ZC3H14: variants seen among roughly 807,000 people sequenced by gnomAD.
ZC3H14 encodes zinc finger CCCH-type containing 14, also known as zinc finger CCCH domain-containing protein 14.
ZC3H14 carries 31 observed loss-of-function variants against 92.4 expected under a neutral mutation model. That is an observed-to-expected ratio of 0.34 (90% CI 0.25 to 0.45). ZC3H14 has a LOEUF of 0.45. Ranked by LOEUF, ZC3H14 falls within the 20% of genes least tolerant of loss-of-function variation. The pLI is 1.00. For synonymous variants in ZC3H14, 321 were observed against 300.9 expected, an observed-to-expected ratio of 1.07 and a Z score of -0.69; for missense variants, 781 against 897.3, an observed-to-expected ratio of 0.87 and a Z score of 1.66.
chr14:88,567,790 G>A (rs1258542744), intron 2 of ZC3H14: 2 of 522,866 alleles, frequency 3.8e-6, no homozygotes, highest in African/African-American at 1.9e-5. Flanking sequence ...GCATGCTCAA[G>A]TTTGACCCTA....
intron 2 of ZC3H14, 78 bp downstream of exon 2, chr14:88,563,771 C>T: frequency 7.2e-7 from 1 of 1,384,800 alleles, no homozygotes; most frequent in Non-Finnish European, 1.0e-6. Flanking sequence ...GCGTATTTCT[C>T]ACCGTACTTT....
chr14:88,596,658 G>T (rs2083862100), intron 9 of ZC3H14, 76 bp from the exon 10 acceptor site: 1 of 1,250,304 alleles, frequency 8.0e-7, no homozygotes, highest in Non-Finnish European at 1.2e-6. Flanking sequence ...GAACCCAGAA[G>T]GATTGATTTT....
intron 4 of ZC3H14, among the ~76,000 whole-genome samples, chr14:88,571,700 G>T (rs774110401): frequency 1.3e-5 from 2 of 152,168 alleles, no homozygotes; most frequent in Non-Finnish European, 2.9e-5. Flanking sequence ...GGTGGCTCAC[G>T]CCTGTAATCC....
At chr14:88,607,823 A>AAGTG (rs1411257080) in intron 13 of ZC3H14, among the ~76,000 whole-genome samples, 8 of 110,658 alleles carry the variant, frequency 7.2e-5, no homozygotes, top group African/African-American at 1.4e-4. Context: ...CTCAGCCTGC[A>AAGTG]AGTACCATCC....
Position 88,577,994 on chromosome 14 carries a change from A to G in ZC3H14, c.1133A>G (p.Lys378Arg), listed in dbSNP as rs778564417. The G allele has an allele frequency of 1.1e-5, 17 of 1,614,054 alleles. No homozygotes were observed. The East Asian group carries it at 3.8e-4, about 36-fold the overall frequency. The change falls in exon 9 of 17, where the codon AAA becomes AGA. Residue 378 changes from lysine to arginine, a missense_variant. Lys to Arg is a conservative substitution (Grantham distance 26). Around this residue, in one of 3 missense-constraint regions of ZC3H14, gnomAD observed 454 missense variants for 438.5 expected, o/e 1.04. Transcript: ENST00000251038. Reference protein sequence around the residue: ...KTTNYSTVPQKQTLPVAPRTR... With the variant: ...KTTNYSTVPQRQTLPVAPRTR... ...TGCTTTTATGTGAAAGTTCCACAGAAACAGACACTTCCAGTTGCTCCCAGA... is the reference window on the plus strand; with the variant it reads ...TGCTTTTATGTGAAAGTTCCACAGAGACAGACACTTCCAGTTGCTCCCAGA...
rs114739216 is a variant in ZC3H14 at position 88,584,906 on chromosome 14, T to C, written c.1279+6766T>C. ...CATGTTACAACTGTGGCTGCAGTTA[T>C]TCACCATTTCTGGATAAATGAATTT... On this transcript the variant is annotated intron_variant, in intron 9 of 16. Coordinates refer to ENST00000251038, the MANE Select transcript of ZC3H14 (RefSeq NM_024824.5). Among the ~76,000 whole-genome samples, 369 of 152,182 alleles carry C rather than the reference T, an allele frequency of 2.4e-3. 1 individual carries two copies. The highest frequency in any genetic ancestry group is 8.6e-3 in the African/African-American group (357 of 41,494).
chr14:88,569,699 G>T (rs1017262932), intron 3 of ZC3H14, among the ~76,000 whole-genome samples: 2 of 152,206 alleles, frequency 1.3e-5, no homozygotes, highest in Non-Finnish European at 2.9e-5. Flanking sequence ...GGCACTGAGT[G>T]GGGAGATGAG....
chr14:88,563,318 C>T, intron 1 of ZC3H14, 149 bp downstream of exon 1: 2 of 1,514,666 alleles, frequency 1.3e-6, no homozygotes, highest in Non-Finnish European at 8.8e-7. Context: ...TCGTCCAGGC[C>T]GCCTCGGCCC....
At position 88,599,160 on chromosome 14, in the gene ZC3H14, C is replaced by CT. The variant is rs1185690976; in HGVS notation, c.1354+2358dup. On this transcript the variant is annotated intron_variant, in intron 10 of 16. Coordinates refer to ENST00000251038, the MANE Select transcript of ZC3H14 (RefSeq NM_024824.5). ...CTTCTTGGACACATCTAATACACCT[C>CT]TTTTTTGCCTGCCATTTCTTCCATT... Among the ~76,000 whole-genome samples the CT allele has an allele frequency of 2.6e-5, 4 of 152,156 alleles. No individual in the cohort carries two copies. The East Asian group carries it at 7.7e-4, about 29-fold the overall frequency.
rs1229449265 is a variant in ZC3H14, at chr14:88,619,043, A to G, written c.*7292A>G. On this transcript the variant is annotated 3_prime_UTR_variant, in exon 17 of 17. Transcript: ENST00000251038. ...ATATTTCCCCAATTGTCATCTCCCAATTCCTTTAAAAACGTCTAATGGCTT... is the reference window on the plus strand; with the variant it reads ...ATATTTCCCCAATTGTCATCTCCCAGTTCCTTTAAAAACGTCTAATGGCTT... 27 of 356,814 alleles carry G rather than the reference A, an allele frequency of 7.6e-5. 1 individual carries two copies. In the South Asian group the frequency reaches 1.1e-3, roughly 15 times the overall value. 22.1% of individuals were successfully genotyped at this position (356,814 alleles called of 1,614,324 possible). A position where few individuals can be genotyped will look rare whatever the true frequency, so the allele number is the denominator to read the frequency against.
chr14:88,571,214 A>G lies in ZC3H14; in HGVS notation c.235+90A>G, dbSNP rs182018567. 2.7e-5 allele frequency: 32 copies of G among 1,193,378 alleles called. No individual in the cohort carries two copies. In the Admixed American group the frequency reaches 5.9e-4, roughly 22 times the overall value. 73.9% of individuals were successfully genotyped at this position (1,193,378 alleles called of 1,614,324 possible). ...AGTCATAGTGCTTTGGGAAAAACCCATCAATTTCAAAACGGTTCATTTGAA... is the reference window on the plus strand; with the variant it reads ...AGTCATAGTGCTTTGGGAAAAACCCGTCAATTTCAAAACGGTTCATTTGAA... On this transcript the variant is annotated intron_variant, in intron 4 of 16. Transcript: ENST00000251038.
At chr14:88,575,714 T>A in intron 7 of ZC3H14, 126 bp from the exon 8 acceptor site, 1 of 739,636 alleles carries the variant, frequency 1.4e-6, no homozygotes, top group Admixed American at 2.7e-5. Context: ...TAGTTGGCAT[T>A]TTCTAAAAAC....
rs774451260 is a variant in ZC3H14 at position 88,617,489 on chromosome 14, C to T, written c.*5738C>T. The T allele has an allele frequency of 5.9e-4, 90 of 152,362 alleles. 1 individual carries two copies. Among genetic ancestry groups the T allele is most frequent in the Non-Finnish European group, 9.7e-4 (66 of 68,184 alleles). 9.4% of individuals were successfully genotyped at this position (152,362 alleles called of 1,614,324 possible). Reference sequence around the variant, plus strand: ...TTTTCAAATTAAAAGTGCTACTTGGCTGGGTCCAGCAGCACATACCAGTAA... The same window carrying T: ...TTTTCAAATTAAAAGTGCTACTTGGTTGGGTCCAGCAGCACATACCAGTAA... On this transcript the variant is annotated 3_prime_UTR_variant, in exon 17 of 17. Transcript: ENST00000251038.
At chr14:88,591,035 A>C (rs944352292) in intron 9 of ZC3H14, 1 of 152,314 alleles carries the variant, frequency 6.6e-6, no homozygotes, top group African/African-American at 2.4e-5. Flanking sequence ...GATCTCCATC[A>C]TATTTTTGAC....
rs1290306113 is a variant in ZC3H14 at position 88,614,554 on chromosome 14, A to G, written c.*2803A>G. The G allele has an allele frequency of 6.6e-6, 1 of 152,234 alleles. No homozygotes were observed. The highest frequency in any genetic ancestry group is 2.4e-5 in the African/African-American group (1 of 41,464). The allele number at this position is 152,234 out of a possible 1,614,324, so 9.4% of individuals were successfully genotyped here. A position where few individuals can be genotyped will look rare whatever the true frequency, so the allele number is the denominator to read the frequency against. On this transcript the variant is annotated 3_prime_UTR_variant, in exon 17 of 17. Transcript: ENST00000251038. ...AGCGATCTATTATGCTATAAAGATA[A>G]TTAACACATTAAAAACTCATAGGGT...
chr14:88,615,691 G>T lies in ZC3H14; in HGVS notation c.*3940G>T. 4 of 810,574 alleles carry T rather than the reference G, an allele frequency of 4.9e-6. No homozygotes were observed. The highest frequency in any genetic ancestry group is 3.5e-5 in the South Asian group (2 of 56,348). The allele number at this position is 810,574 out of a possible 1,614,324, so 50.2% of individuals were successfully genotyped here. A position where few individuals can be genotyped will look rare whatever the true frequency, so the allele number is the denominator to read the frequency against. ...CAGATCAGTCTTTCACTATTTTGAT[G>T]ATTCTGGGCATTTCTCCCTGTTACA... is the stretch of plus-strand genomic sequence containing the variant. On this transcript the variant is annotated 3_prime_UTR_variant, in exon 17 of 17. Transcript: ENST00000251038.
At chr14:88,610,150 G>C (rs573829613) in intron 15 of ZC3H14, among the ~76,000 whole-genome samples, 1 of 152,270 alleles carries the variant, frequency 6.6e-6, no homozygotes, top group African/African-American at 2.4e-5. Flanking sequence ...AGTAGGTACT[G>C]CTTAAAACCA....
chr14:88,563,843 A>G (rs924855216), intron 2 of ZC3H14, 150 bp downstream of exon 2: 15 of 791,666 alleles, frequency 1.9e-5, no homozygotes, highest in Non-Finnish European at 3.1e-5. Context: ...TTACTTCTTT[A>G]TCATCTTTTT....
intron 9 of ZC3H14, among the ~76,000 whole-genome samples, chr14:88,581,852 T>C (rs1208005612): frequency 2.6e-5 from 4 of 152,218 alleles, no homozygotes; most frequent in Non-Finnish European, 5.9e-5. Context: ...AAGCTCTAAC[T>C]AGTCACCTTC....
Sources: gnomAD v4.1 joint callset for allele counts (sites outside exome capture counted in the v4.1 genomes callset) on GRCh38, gnomAD v4.1.1 for gene constraint, gnomAD v4.1.1 regional missense constraint, MANE v1.5 for transcripts, NCBI Gene and HGNC (gene_info 2026-07-23, HGNC 2026-07-21) for gene names.